Variants in PTGER3 observed in about 807,000 individuals in gnomAD.
PTGER3 encodes prostaglandin E2 receptor EP3 subtype.
Under a neutral mutation model 34.7 loss-of-function variants are expected in PTGER3, and 22 were observed. The observed-to-expected ratio is 0.63, with a 90% CI of 0.45 to 0.91. PTGER3 has a LOEUF of 0.91. Ranked by LOEUF, PTGER3 falls within the 40% of genes least tolerant of loss-of-function variation. The pLI is 0.00. For synonymous variants in PTGER3, 241 were observed against 230.1 expected, an observed-to-expected ratio of 1.05 and a Z score of -0.43; for missense variants, 468 against 519.4, an observed-to-expected ratio of 0.90 and a Z score of 0.96.
chr1:70,894,046 G>A (rs1021678089), intron 4 of PTGER3, among the ~76,000 whole-genome samples: 1 of 152,052 alleles, frequency 6.6e-6, no homozygotes, highest in African/African-American at 2.4e-5. Flanking sequence ...GGTGGCTCAC[G>A]CCAGTAATCC....
At chr1:70,942,678 C>T (rs1649867056) in intron 4 of PTGER3, among the ~76,000 whole-genome samples, 1 of 152,136 alleles carries the variant, frequency 6.6e-6, no homozygotes, top group Non-Finnish European at 1.5e-5. Context: ...GAAGGCCTAA[C>T]TCTCAGTGTC....
chr1:70,916,711 C>T (rs1487243802), intron 4 of PTGER3, among the ~76,000 whole-genome samples: 6 of 151,916 alleles, frequency 3.9e-5, no homozygotes, highest in East Asian at 1.9e-4. Flanking sequence ...ACAATAGATA[C>T]TGCAGACAAC....
At chr1:70,852,655 T>C in exon 5 of PTGER3, 1 of 723,488 alleles carries the variant, frequency 1.4e-6, no homozygotes, top group South Asian at 1.6e-5. Context: ...ATAGTAAAAG[T>C]ACAAAAACAT....
chr1:70,852,709 TG>T (rs1645707675), exon 5 of PTGER3: 4 of 1,097,416 alleles, frequency 3.6e-6, no homozygotes, highest in Non-Finnish European at 5.5e-6. Context: ...CAGTTATATT[TG>T]GGGGTGGGCT....
chr1:70,890,749 C>G (rs1646599494), intron 4 of PTGER3, among the ~76,000 whole-genome samples: 1 of 152,164 alleles, frequency 6.6e-6, no homozygotes, highest in Admixed American at 6.5e-5. Context: ...TGGTTTTTAT[C>G]ATGTTTATAT....
Sources: allele counts gnomAD v4.1 joint callset (sites outside exome capture counted in the v4.1 genomes callset), GRCh38; gene constraint gnomAD v4.1.1; transcripts MANE v1.5; gene names NCBI Gene and HGNC (gene_info 2026-07-23, HGNC 2026-07-21).